Variants in SYNDIG1 observed in about 807,000 individuals in gnomAD.
The protein encoded by SYNDIG1 is synapse differentiation-inducing gene protein 1.
SYNDIG1 carries 9 observed loss-of-function variants against 19.4 expected under a neutral mutation model. The observed-to-expected ratio is 0.46, with a 90% confidence interval of 0.28 to 0.81. The LOEUF (loss-of-function observed/expected upper bound fraction) is 0.81. SYNDIG1 is among the 30% of genes least tolerant of loss of function. SYNDIG1 has a pLI of 0.12. For synonymous variants in SYNDIG1, 141 were observed against 145.9 expected (o/e 0.97, Z 0.24); for missense variants, 311 against 343.3 (o/e 0.91, Z 0.74).
intron 3 of SYNDIG1, among the ~76,000 whole-genome samples, chr20:24,599,304 C>T (rs111454983): frequency 4.2e-4 from 64 of 152,222 alleles, no homozygotes; most frequent in Non-Finnish European, 2.9e-4. Context: ...TTATCCCAGT[C>T]AGAATGACTA....
intron 2 of SYNDIG1, among the ~76,000 whole-genome samples, chr20:24,556,935 A>G (rs985375797): frequency 1.3e-5 from 2 of 152,170 alleles, no homozygotes; most frequent in Non-Finnish European, 1.5e-5. Context: ...CGTCACTTTC[A>G]GGTACACCAA....
intron 3 of SYNDIG1, among the ~76,000 whole-genome samples, chr20:24,652,914 C>T (rs915857133): frequency 7.9e-5 from 12 of 152,284 alleles, no homozygotes; most frequent in South Asian, 4.1e-4. Context: ...CTCATTAACC[C>T]GCCCTGCAAC....
chr20:24,489,095 A>G (rs2056059675), intron 1 of SYNDIG1, among the ~76,000 whole-genome samples: 1 of 152,190 alleles, frequency 6.6e-6, no homozygotes, highest in African/African-American at 2.4e-5. Flanking sequence ...TTCTTTTAGA[A>G]GGCAGTGTTC....
intron 1 of SYNDIG1, among the ~76,000 whole-genome samples, chr20:24,472,538 C>G (rs1258885507): frequency 6.6e-6 from 1 of 152,210 alleles, no homozygotes; most frequent in Non-Finnish European, 1.5e-5. Flanking sequence ...AGATTTCTAT[C>G]TGAGGCACTA....
intron 3 of SYNDIG1, among the ~76,000 whole-genome samples, chr20:24,628,291 G>A (rs936766327): frequency 2.0e-5 from 3 of 152,180 alleles, no homozygotes; most frequent in African/African-American, 7.2e-5. Flanking sequence ...GGGGAGCCCC[G>A]CAAACTTGGA....
At chr20:24,558,946 T>C (rs1261466176) in intron 2 of SYNDIG1, among the ~76,000 whole-genome samples, 1 of 152,170 alleles carries the variant, frequency 6.6e-6, no homozygotes, top group Non-Finnish European at 1.5e-5. Flanking sequence ...GAAAAACAGT[T>C]TGGAGGTTTC....
At chr20:24,663,705 G>A (rs1177546580) in intron 3 of SYNDIG1, among the ~76,000 whole-genome samples, 1 of 152,194 alleles carries the variant, frequency 6.6e-6, no homozygotes, top group Non-Finnish European at 1.5e-5. Flanking sequence ...GTTCCCACAG[G>A]GGTCAGGGAA....
At chr20:24,499,354 A>T (rs773571902) in intron 1 of SYNDIG1, among the ~76,000 whole-genome samples, 3 of 152,188 alleles carry the variant, frequency 2.0e-5, no homozygotes, top group Admixed American at 2.0e-4. Flanking sequence ...TTCCTGATCC[A>T]GTTCAGCCAC....
chr20:24,511,750 A>G (rs927862354), intron 1 of SYNDIG1, among the ~76,000 whole-genome samples: 13 of 152,116 alleles, frequency 8.5e-5, no homozygotes, highest in African/African-American at 2.9e-4. Context: ...TTGCTATGTT[A>G]TGCAGCATAC....
At chr20:24,562,734 C>A (rs1040985743) in intron 2 of SYNDIG1, among the ~76,000 whole-genome samples, 6 of 152,176 alleles carry the variant, frequency 3.9e-5, no homozygotes, top group Non-Finnish European at 7.3e-5. Context: ...CTTTTCAGAT[C>A]TCTTGATGTG....
chr20:24,515,555 G>C (rs2056843892), intron 1 of SYNDIG1, among the ~76,000 whole-genome samples: 1 of 151,942 alleles, frequency 6.6e-6, no homozygotes, highest in South Asian at 2.1e-4. Flanking sequence ...CAGACAAACA[G>C]AGAGCCAAAT....
chr20:24,610,066 A>G (rs2058822785), intron 3 of SYNDIG1, among the ~76,000 whole-genome samples: 1 of 152,224 alleles, frequency 6.6e-6, no homozygotes, highest in Non-Finnish European at 1.5e-5. Flanking sequence ...TTTCAGGCAT[A>G]GAAAACACGA....
chr20:24,584,471 T>C (rs1280647129), intron 2 of SYNDIG1, among the ~76,000 whole-genome samples: 1 of 152,186 alleles, frequency 6.6e-6, no homozygotes, highest in Non-Finnish European at 1.5e-5. Context: ...GTTCTGCAGG[T>C]GGCTTCCAGG....
intron 3 of SYNDIG1, among the ~76,000 whole-genome samples, chr20:24,649,970 A>G (rs2059454329): frequency 6.6e-6 from 1 of 152,252 alleles, no homozygotes; most frequent in South Asian, 2.1e-4. Flanking sequence ...GCATACACTC[A>G]TCTTTAATAC....
rs8119770 is a variant in SYNDIG1, at chr20:24,585,026, G to A, written c.618+33G>A. On this transcript the variant is annotated intron_variant, in intron 3 of 3. Transcript: ENST00000376862. ...CTCCTTGGTCTGTCGCACGTGGTGT[G>A]CAGGTGTTCACAGGGTGGGGGTGGG... is the stretch of plus-strand genomic sequence containing the variant. The A allele has an allele frequency of 2.4e-3, 3,699 of 1,569,636 alleles. 79 individuals are homozygous for A. The African/African-American group carries it at 0.047, about 20-fold the overall frequency.
intron 2 of SYNDIG1, among the ~76,000 whole-genome samples, chr20:24,560,353 T>C (rs1038948276): frequency 2.0e-5 from 3 of 152,150 alleles, no homozygotes; most frequent in African/African-American, 7.2e-5. Context: ...TCCACAGATA[T>C]TTGAGGTTCT....
At chr20:24,599,582 G>T (rs75286471) in intron 3 of SYNDIG1, among the ~76,000 whole-genome samples, 4,631 of 152,198 alleles carry the variant, frequency 0.03, 153 homozygotes, top group African/African-American at 0.083. Flanking sequence ...GGAATCAACC[G>T]AAGTGCCAAT....
intron 2 of SYNDIG1, among the ~76,000 whole-genome samples, chr20:24,572,166 A>G (rs1415204218): frequency 6.6e-6 from 1 of 152,178 alleles, no homozygotes; most frequent in East Asian, 1.9e-4. Context: ...TTCCTTGGCA[A>G]TACTCCTTGT....
chr20:24,537,050 C>T lies in SYNDIG1; in HGVS notation c.-78-5970C>T, dbSNP rs73103313. ...ACACATCCATCTGCCTGAACTGCCT[C>T]TATGATGATCACATCCCACTTAAGC... On this transcript the variant is annotated intron_variant, in intron 1 of 3. Transcript: ENST00000376862. 4.2e-3 allele frequency among the ~76,000 whole-genome samples: 634 copies of T among 152,252 alleles called. 1 individual carries two copies. The highest frequency in any genetic ancestry group is 7.2e-3 in the Non-Finnish European group (491 of 68,012).
Sources: gnomAD v4.1 joint callset for allele counts (sites outside exome capture counted in the v4.1 genomes callset) on GRCh38, gnomAD v4.1.1 for gene constraint, MANE v1.5 for transcripts, NCBI Gene and HGNC (gene_info 2026-07-23, HGNC 2026-07-21) for gene names.